SLIT2: variants seen among roughly 807,000 people sequenced by gnomAD.
SLIT2 encodes the protein slit homolog 2 protein.
Under a neutral mutation model 185.7 loss-of-function variants are expected in SLIT2, and 41 were observed. That is an observed-to-expected ratio of 0.22 (90% CI 0.17 to 0.29). The LOEUF (loss-of-function observed/expected upper bound fraction) is 0.29, where lower values mean the gene tolerates loss of function less well. SLIT2 is among the 10% of genes least tolerant of loss of function. SLIT2 has a pLI of 1.00. For missense variants in SLIT2, 1,571 were observed against 1,909.0 expected (o/e 0.82, Z 3.30); for synonymous variants, 693 against 680.2 (o/e 1.02, Z -0.29).
At chr4:20,493,435 A>C (rs1477330344) in intron 9 of SLIT2, among the ~76,000 whole-genome samples, 1 of 152,208 alleles carries the variant, frequency 6.6e-6, no homozygotes, top group Non-Finnish European at 1.5e-5. Context: ...ACCTAAAGGC[A>C]CCATTAATTT....
intron 29 of SLIT2, among the ~76,000 whole-genome samples, chr4:20,588,535 T>C (rs1727254937): frequency 6.6e-6 from 1 of 152,200 alleles, no homozygotes; most frequent in African/African-American, 2.4e-5. Flanking sequence ...ACTTTATTTG[T>C]CCATTTATTG....
intron 4 of SLIT2, among the ~76,000 whole-genome samples, chr4:20,389,631 C>G (rs1419778151): frequency 6.6e-6 from 1 of 151,530 alleles, no homozygotes; most frequent in Non-Finnish European, 1.5e-5. Context: ...TGCAAAGGGC[C>G]AGACACTCAC....
At chr4:20,256,043 C>G (rs1260944030) in intron 1 of SLIT2, among the ~76,000 whole-genome samples, 1 of 152,074 alleles carries the variant, frequency 6.6e-6, no homozygotes, top group Non-Finnish European at 1.5e-5. Flanking sequence ...CATTCTTGCC[C>G]CTGTTAGTAG....
At chr4:20,547,670 A>G (rs534011247) in intron 22 of SLIT2, among the ~76,000 whole-genome samples, 58 of 150,838 alleles carry the variant, frequency 3.8e-4, no homozygotes, top group Non-Finnish European at 6.1e-4. Context: ...TTTAGTTATT[A>G]TAAATGGTGA....
At chr4:20,513,046 T>C (rs1719896280) in intron 11 of SLIT2, among the ~76,000 whole-genome samples, 1 of 152,224 alleles carries the variant, frequency 6.6e-6, no homozygotes. Context: ...AACAATAAAA[T>C]AGTGTGTTGT....
Position 20,268,895 on chromosome 4 carries a change from A to G in SLIT2, c.395+14A>G, listed in dbSNP as rs1713309792. The G allele has an allele frequency of 6.6e-7, 1 of 1,511,782 alleles. No homozygotes were observed. Among genetic ancestry groups the G allele is most frequent in the Non-Finnish European group, 9.2e-7 (1 of 1,087,172 alleles). 93.6% of individuals were successfully genotyped at this position (1,511,782 alleles called of 1,614,324 possible). On this transcript the variant is annotated intron_variant, in intron 4 of 36. Transcript: ENST00000504154. ...GCTATACAGGCTGTAAGTAGACACA[A>G]ATAGTTATTGTTGCTTTGGGTAGTA...
chr4:20,510,787 G>A (rs1238829942), intron 10 of SLIT2, among the ~76,000 whole-genome samples: 1 of 152,096 alleles, frequency 6.6e-6, no homozygotes, highest in Non-Finnish European at 1.5e-5. Flanking sequence ...ATACAAATGT[G>A]AATGTTTATG....
At chr4:20,477,337 T>C (rs372228978) in intron 5 of SLIT2, among the ~76,000 whole-genome samples, 196 of 152,134 alleles carry the variant, frequency 1.3e-3, no homozygotes, top group African/African-American at 4.4e-3. Context: ...TAGCTGGGAT[T>C]ACAGGTGCCC....
At chr4:20,291,041 C>T (rs1246701912) in intron 4 of SLIT2, among the ~76,000 whole-genome samples, 6 of 151,902 alleles carry the variant, frequency 3.9e-5, no homozygotes, top group East Asian at 1.9e-4. Context: ...GTGGTCAGCA[C>T]CCAACTATTT....
At chr4:20,354,906 T>TGTGAGA (rs1165332356) in intron 4 of SLIT2, among the ~76,000 whole-genome samples, 3 of 76,998 alleles carry the variant, frequency 3.9e-5, no homozygotes, top group African/African-American at 1.3e-4. Flanking sequence ...TGTGTGTGTG[T>TGTGAGA]GAGAGAGAGA....
At chr4:20,261,113 A>C (rs1337571624) in intron 3 of SLIT2, among the ~76,000 whole-genome samples, 1 of 151,904 alleles carries the variant, frequency 6.6e-6, no homozygotes, top group Non-Finnish European at 1.5e-5. Context: ...TAACATGTGC[A>C]GAGTCACATT....
At chr4:20,435,285 C>T (rs930271671) in intron 4 of SLIT2, among the ~76,000 whole-genome samples, 6 of 152,174 alleles carry the variant, frequency 3.9e-5, no homozygotes, top group African/African-American at 1.4e-4. Flanking sequence ...GGTCCTTGCA[C>T]ACAGCAGATA....
At chr4:20,455,525 T>C (rs1441215344) in intron 4 of SLIT2, among the ~76,000 whole-genome samples, 2 of 152,164 alleles carry the variant, frequency 1.3e-5, no homozygotes, top group African/African-American at 4.8e-5. Flanking sequence ...TTAAAATTGC[T>C]TTACAGAGTC....
At chr4:20,312,170 T>C (rs565674458) in intron 4 of SLIT2, among the ~76,000 whole-genome samples, 1 of 152,212 alleles carries the variant, frequency 6.6e-6, no homozygotes, top group Non-Finnish European at 1.5e-5. Flanking sequence ...AGATCAGATA[T>C]CAGGTTTCCA....
chr4:20,526,569 T>C (rs1721314441), intron 15 of SLIT2, among the ~76,000 whole-genome samples: 1 of 152,170 alleles, frequency 6.6e-6, no homozygotes, highest in African/African-American at 2.4e-5. Context: ...ATATACTTAA[T>C]TAATAATTGG....
intron 4 of SLIT2, among the ~76,000 whole-genome samples, chr4:20,423,868 T>C (rs28448635): frequency 0.22 from 33,175 of 151,930 alleles, 3,796 homozygotes; most frequent in Non-Finnish European, 0.27. Flanking sequence ...GTTTTAAGTG[T>C]CACTTTGCAT....
chr4:20,509,750 C>T (rs565726940), intron 9 of SLIT2, among the ~76,000 whole-genome samples: 43 of 152,288 alleles, frequency 2.8e-4, no homozygotes, highest in Admixed American at 4.6e-4. Context: ...CGTTTCATAA[C>T]TAGGTGGGTA....
chr4:20,276,014 AT>A (rs963407174), intron 4 of SLIT2, among the ~76,000 whole-genome samples: 31 of 152,222 alleles, frequency 2.0e-4, no homozygotes, highest in African/African-American at 7.0e-4. Flanking sequence ...ATTTTTTAAA[AT>A]AATATAAGAT....
intron 4 of SLIT2, among the ~76,000 whole-genome samples, chr4:20,284,769 C>T (rs1715107917): frequency 6.6e-6 from 1 of 152,146 alleles, no homozygotes. Flanking sequence ...AGTTCTCTCC[C>T]AATGTTTTTA....
Sources: allele counts gnomAD v4.1 joint callset (sites outside exome capture counted in the v4.1 genomes callset), GRCh38; gene constraint gnomAD v4.1.1; transcripts MANE v1.5; gene names NCBI Gene and HGNC (gene_info 2026-07-23, HGNC 2026-07-21).